MROH1: variants seen among roughly 807,000 people sequenced by gnomAD.
MROH1 encodes the protein maestro heat-like repeat-containing protein family member 1.
Under a neutral mutation model 116.5 loss-of-function variants are expected in MROH1, and 117 were observed. That is an observed-to-expected ratio of 1.00 (90% CI 0.86 to 1.17). The LOEUF (loss-of-function observed/expected upper bound fraction) is 1.17, where lower values mean the gene tolerates loss of function less well. Among genes scored for constraint, MROH1 ranks in the 50% most tolerant of loss-of-function variants. The pLI is 0.00. For synonymous variants in MROH1, 921 were observed against 583.9 expected (o/e 1.58, Z -8.32); for missense variants, 1,873 against 1,338.5 (o/e 1.40, Z -6.23).
rs1039030890 is a variant in MROH1 at position 144,148,297 on chromosome 8, G to T, written c.-177+221G>T. On this transcript the variant is annotated intron_variant, in intron 1 of 43. Transcript: ENST00000326134. ...GCGCCACAGCCCGGAAGAGAGGCCG[G>T]AGCTGTGCGGCTGTGCTCCTCCTCT... Among the ~76,000 whole-genome samples the T allele has an allele frequency of 4.8e-3, 731 of 152,316 alleles. 6 individuals are homozygous for T. Among genetic ancestry groups the T allele is most frequent in the South Asian group, 0.032 (155 of 4,826 alleles).
intron 28 of MROH1, 46 bp downstream of exon 28, chr8:144,244,585 G>C: frequency 1.4e-6 from 1 of 722,594 alleles, no homozygotes; most frequent in Non-Finnish European, 2.6e-6. Flanking sequence ...GGGGCACAGA[G>C]GGCACTCCAC....
Position 144,163,699 on chromosome 8 carries a change from A to G in MROH1, c.-56-72A>G. ...ATTTAAATTGTGTATTTTACATGGA[A>G]ATGGTAATTGCCTGTGAACTCAGAT... On this transcript the variant is annotated intron_variant, in intron 2 of 43. Transcript: ENST00000326134. This position sits in a 1 kb window ranked among gnomAD's most constrained non-coding sequence, Gnocchi z 4.4. 1 of 846,494 alleles carries G rather than the reference A, an allele frequency of 1.2e-6. No homozygotes were observed. The highest frequency in any genetic ancestry group is 1.8e-5 in the South Asian group (1 of 55,466). 52.4% of individuals were successfully genotyped at this position (846,494 alleles called of 1,614,324 possible). A position where few individuals can be genotyped will look rare whatever the true frequency, so the allele number is the denominator to read the frequency against.
At chr8:144,254,220 C>T (rs1843308676) in intron 33 of MROH1, among the ~76,000 whole-genome samples, 1 of 152,216 alleles carries the variant, frequency 6.6e-6, no homozygotes. Flanking sequence ...TTTCTCTCTT[C>T]TACTGTATCT....
At chr8:144,244,120 A>G in intron 26 of MROH1, 102 bp from the exon 27 acceptor site, 1 of 700,776 alleles carries the variant, frequency 1.4e-6, no homozygotes, top group Non-Finnish European at 2.6e-6. Flanking sequence ...GGAGCAGAGT[A>G]AACATGGCAG....
intron 43 of MROH1, 78 bp from the exon 44 acceptor site, chr8:144,261,577 C>T (rs1845080249): frequency 2.9e-6 from 2 of 700,416 alleles, no homozygotes; most frequent in Non-Finnish European, 5.2e-6. Flanking sequence ...CAGAGGCTGT[C>T]AGGAGAGCGT....
At chr8:144,255,450 G>C in intron 34 of MROH1, 59 bp from the exon 35 acceptor site, 1 of 757,706 alleles carries the variant, frequency 1.3e-6, no homozygotes, top group Non-Finnish European at 2.4e-6. Context: ...ATTGGGTGCA[G>C]GGCTCAGATC....
At chr8:144,207,325 C>G (rs949302304) in intron 12 of MROH1, among the ~76,000 whole-genome samples, 1 of 151,790 alleles carries the variant, frequency 6.6e-6, no homozygotes, top group Non-Finnish European at 1.5e-5. Context: ...GTAGCTAGGA[C>G]TACAGGCGCT....
chr8:144,258,181 G>C (rs1844266332), intron 35 of MROH1, among the ~76,000 whole-genome samples: 1 of 152,230 alleles, frequency 6.6e-6, no homozygotes, highest in African/African-American at 2.4e-5. Flanking sequence ...CAAGGTGCTT[G>C]CCTGGTGGAG....
At chr8:144,204,229 G>T (rs1329264844) in intron 12 of MROH1, among the ~76,000 whole-genome samples, 1 of 152,102 alleles carries the variant, frequency 6.6e-6, no homozygotes, top group Non-Finnish European at 1.5e-5. Flanking sequence ...TCCCACCTCA[G>T]CCTCCCAAGC....
intron 7 of MROH1, among the ~76,000 whole-genome samples, chr8:144,187,105 AAAAAC>A (rs1372862114): frequency 4.9e-4 from 73 of 150,022 alleles, no homozygotes; most frequent in Middle Eastern, 3.6e-3. Flanking sequence ...CCAAAAAAAA[AAAAAC>A]AAAACAAAAC....
At chr8:144,196,150 C>T (rs1334846100) in intron 10 of MROH1, among the ~76,000 whole-genome samples, 7 of 151,498 alleles carry the variant, frequency 4.6e-5, no homozygotes, top group Admixed American at 4.6e-4. Flanking sequence ...ATTAGCTGGG[C>T]GTGGTGGCGG....
rs1224730608 is a variant in MROH1, at chr8:144,248,912, C to G, written c.3156C>G (p.Ile1052Met). The G allele has an allele frequency of 2.6e-6, 2 of 778,158 alleles. No homozygotes were observed. The highest frequency in any genetic ancestry group is 4.8e-6 in the Non-Finnish European group (2 of 416,826). The allele number at this position is 778,158 out of a possible 1,614,324, so 48.2% of individuals were successfully genotyped here. The part of the protein sequence containing the change: ...IAKRLPPDQL[I>M]SLLLTMFEAL... ...AGCGCCTCCCCCCAGACCAGCTCAT[C>G]AGCCTCTTGCTAACCATGTTTGAGG... The change falls in exon 32 of 44, where the codon ATC becomes ATG. Residue 1052 changes from isoleucine (I) to methionine (M), a missense_variant. Physicochemically the swap from Ile to Met is conservative, Grantham distance 10 (BLOSUM62 1). Transcript: ENST00000326134.
At chr8:144,243,437 C>A (rs1437256015) in intron 24 of MROH1, 57 bp from the exon 25 acceptor site, 1 of 772,408 alleles carries the variant, frequency 1.3e-6, no homozygotes, top group African/African-American at 1.7e-5. Context: ...GGGGTATGCG[C>A]GGGTTCAGCC....
rs1388614127 is a variant in MROH1, at chr8:144,243,910, G to C, written c.2523G>C (p.Arg841=). ...EPPDSLRTPI[R]KKAMLTCTYL... is the part of the protein sequence containing the mutation. ...CGGACTCCTTGAGGACACCTATTCG[G>C]AAGAAAGCCATGCTCACCTGCACTT... is the stretch of plus-strand genomic sequence containing the variant. The change falls in exon 26 of 44, where the codon CGG becomes CGC. Residue 841 remains arginine, a synonymous_variant. Coordinates refer to ENST00000326134, the MANE Select transcript of MROH1 (RefSeq NM_032450.3). 7 of 780,540 alleles carry C rather than the reference G, an allele frequency of 9.0e-6. No individual in the cohort carries two copies. Among genetic ancestry groups the C allele is most frequent in the Non-Finnish European group, 1.4e-5 (6 of 417,762 alleles). 48.4% of individuals were successfully genotyped at this position (780,540 alleles called of 1,614,324 possible).
chr8:144,241,106 C>T lies in MROH1; in HGVS notation c.2050C>T (p.Arg684Cys), dbSNP rs1229801004. ...GGCCAGATACCAGGAGGAGGCAGAA[C>T]GCGAGGTGGGGCCGCTTTCCCTGCA... ...ETARYQEEAE[R>C]EGLACCFGIC... Residue 684 changes from arginine (R) to cysteine (C), a missense_variant, in exon 21 of 44, where the codon CGC becomes TGC. Arg to Cys is a radical substitution (Grantham distance 180, BLOSUM62 -3). Transcript: ENST00000326134. The T allele has an allele frequency of 1.0e-5, 8 of 763,610 alleles. No individual in the cohort carries two copies. Among genetic ancestry groups the T allele is most frequent in the Admixed American group, 8.9e-5 (5 of 56,416 alleles). The allele number at this position is 763,610 out of a possible 1,614,324, so 47.3% of individuals were successfully genotyped here. A position where few individuals can be genotyped will look rare whatever the true frequency, so the allele number is the denominator to read the frequency against.
chr8:144,155,270 T>A (rs1780870408), intron 1 of MROH1, among the ~76,000 whole-genome samples: 3 of 152,180 alleles, frequency 2.0e-5, no homozygotes, highest in African/African-American at 7.2e-5. Context: ...TGCGTCTTTA[T>A]GTTTGTTTAG....
intron 4 of MROH1, 80 bp from the exon 5 acceptor site, chr8:144,179,375 T>C: frequency 1.3e-6 from 2 of 1,574,430 alleles, no homozygotes; most frequent in South Asian, 2.3e-5. Context: ...CGGTTTCATC[T>C]TGTAGAGACA....
intron 4 of MROH1, 55 bp from the exon 5 acceptor site, chr8:144,179,400 G>A: frequency 6.3e-7 from 1 of 1,599,350 alleles, no homozygotes; most frequent in Non-Finnish European, 8.5e-7. Flanking sequence ...CAGGCACTCA[G>A]AGTGTCTGGG....
At position 144,157,277 on chromosome 8, in the gene MROH1, T is replaced by TC. The variant is rs1818391479; in HGVS notation, c.-176-3692dup. Among the ~76,000 whole-genome samples the TC allele has an allele frequency of 2.0e-5, 3 of 152,296 alleles. 1 individual carries two copies. Among genetic ancestry groups the TC allele is most frequent in the Admixed American group, 2.0e-4 (3 of 15,304 alleles). ...TTGTATTTTTAGTATAGACAGGGCT[T>TC]CACCATGTTGGCCAGGCTGGTCTCA... On this transcript the variant is annotated intron_variant, in intron 1 of 43. Coordinates refer to ENST00000326134, the MANE Select transcript of MROH1 (RefSeq NM_032450.3).
Sources: allele counts gnomAD v4.1 joint callset (sites outside exome capture counted in the v4.1 genomes callset), GRCh38; gene constraint gnomAD v4.1.1; non-coding constraint Gnocchi (gnomAD v3.1); transcripts MANE v1.5; gene names NCBI Gene and HGNC (gene_info 2026-07-23, HGNC 2026-07-21).